AHI1: variants seen among roughly 807,000 people sequenced by gnomAD.
AHI1 encodes the protein Abelson helper integration site 1, also known as jouberin.
AHI1 carries 123 observed loss-of-function variants against 149.3 expected under a neutral mutation model. The observed-to-expected ratio is 0.82, with a 90% CI of 0.71 to 0.96. AHI1 has a LOEUF of 0.96. AHI1 is among the 40% of genes least tolerant of loss of function. The pLI, the probability that AHI1 is intolerant of heterozygous loss-of-function variation, is 0.00. For synonymous variants in AHI1, 475 were observed against 459.8 expected (o/e 1.03, Z -0.42); for missense variants, 1,439 against 1,422.7 (o/e 1.01, Z -0.18).
intron 5 of AHI1, among the ~76,000 whole-genome samples, chr6:135,482,894 C>CTTTTATTTTTTTTTTTTTTTTTTT (rs1793903247): frequency 1.8e-5 from 1 of 55,734 alleles, no homozygotes; most frequent in African/African-American, 9.3e-5. Context: ...CCATTTAAGG[C>CTTTTATTTTTTTTTTTTTTTTTTT]TTTTTTTTTT....
At chr6:135,291,492 G>T (rs958058467) in intron 27 of AHI1, among the ~76,000 whole-genome samples, 1 of 152,164 alleles carries the variant, frequency 6.6e-6, no homozygotes, top group South Asian at 2.1e-4. Flanking sequence ...GCCATGTGAG[G>T]ACACAACAAG....
intron 20 of AHI1, among the ~76,000 whole-genome samples, chr6:135,424,957 AAT>A (rs1421215966): frequency 2.0e-5 from 3 of 151,968 alleles, no homozygotes; most frequent in Non-Finnish European, 4.4e-5. Context: ...TGTATTAAAA[AAT>A]AAAACATAAG....
chr6:135,311,175 A>G (rs1441148625), intron 26 of AHI1, among the ~76,000 whole-genome samples: 3 of 151,824 alleles, frequency 2.0e-5, no homozygotes, highest in Non-Finnish European at 2.9e-5. Context: ...GGTGGCCCAC[A>G]TCTGTAGTCC....
intron 24 of AHI1, among the ~76,000 whole-genome samples, chr6:135,347,958 G>A (rs1791484220): frequency 6.6e-6 from 1 of 152,134 alleles, no homozygotes; most frequent in African/African-American, 2.4e-5. Context: ...AATAAGAAGG[G>A]TTTTTTCCCC....
In AHI1 at chr6:135,457,688, A is replaced by G; in HGVS notation, c.957T>C (p.Asp319=). 1.1e-5 allele frequency: 18 copies of G among 1,613,962 alleles called. No individual in the cohort carries two copies. Among genetic ancestry groups the G allele is most frequent in the Non-Finnish European group, 1.5e-5 (18 of 1,179,848 alleles). Reference sequence around the variant, plus strand: ...TTGTTATTTCATGAACACCATCACCATCAACATCTTCATTATTATCTGCAA... The same window carrying G: ...TTGTTATTTCATGAACACCATCACCGTCAACATCTTCATTATTATCTGCAA... ...KAVADNNEDV[D]GDGVHEITSR... The change falls in exon 9 of 29, where the codon GAT becomes GAC. Residue 319 remains aspartate, a synonymous_variant. Coordinates refer to ENST00000265602, the MANE Select transcript of AHI1 (RefSeq NM_001134831.2).
At chr6:135,431,864 G>A (rs1178967654) in intron 16 of AHI1, among the ~76,000 whole-genome samples, 1 of 152,106 alleles carries the variant, frequency 6.6e-6, no homozygotes, top group East Asian at 1.9e-4. Flanking sequence ...TGTGAATTCA[G>A]TATTTTATAA....
intron 25 of AHI1, among the ~76,000 whole-genome samples, chr6:135,321,689 T>C (rs1056806317): frequency 2.0e-5 from 3 of 152,248 alleles, no homozygotes; most frequent in African/African-American, 4.8e-5. Context: ...AACAGTTTCA[T>C]GGACTAGCCT....
chr6:135,458,564 A>G (rs2757650), intron 8 of AHI1, among the ~76,000 whole-genome samples: 134,916 of 152,144 alleles, frequency 0.89, 60,387 homozygotes, highest in East Asian at 0.97. Context: ...AATTTACACT[A>G]AGGACCAAGA....
chr6:135,405,608 C>T (rs1394456066), intron 21 of AHI1, among the ~76,000 whole-genome samples: 1 of 151,928 alleles, frequency 6.6e-6, no homozygotes, highest in African/African-American at 2.4e-5. Flanking sequence ...GCCTTGTAAT[C>T]CCAGCACTTT....
intron 4 of AHI1, 95 bp downstream of exon 4, chr6:135,492,133 T>C (rs1795337289): frequency 3.4e-6 from 3 of 872,368 alleles, no homozygotes; most frequent in Non-Finnish European, 5.2e-6. Context: ...TCTACTGTAT[T>C]CATTAATCTG....
chr6:135,466,297 T>C lies in AHI1; in HGVS notation c.266A>G (p.Asn89Ser), dbSNP rs1374914353. Residue 89 changes from asparagine to serine, a missense_variant, in exon 7 of 29, where the codon AAC (asparagine) becomes AGC (serine). By Grantham distance (46) the Asn-to-Ser change is conservative. Coordinates refer to ENST00000265602, the MANE Select transcript of AHI1 (RefSeq NM_001134831.2). ...SDDVSAANTNNLKKSTRVTKN... is the reference protein window; with the variant it reads ...SDDVSAANTNSLKKSTRVTKN... Reference sequence around the variant, plus strand: ...AGTGACTCTCGTGCTCTTCTTCAGGTTGTTAGTGTTAGCAGCACTTACATC... The same window carrying C: ...AGTGACTCTCGTGCTCTTCTTCAGGCTGTTAGTGTTAGCAGCACTTACATC... 2 of 1,613,956 alleles carry C rather than the reference T, an allele frequency of 1.2e-6. No homozygotes were observed. Among genetic ancestry groups the C allele is most frequent in the Admixed American group, 1.7e-5 (1 of 60,014 alleles).
At chr6:135,478,230 G>C (rs566315495) in intron 5 of AHI1, among the ~76,000 whole-genome samples, 1 of 152,204 alleles carries the variant, frequency 6.6e-6, no homozygotes, top group Non-Finnish European at 1.5e-5. Flanking sequence ...GCAAAAGTTG[G>C]AACAGTTTGA....
In AHI1 at chr6:135,433,084, C is replaced by T. The variant is rs1227775795; in HGVS notation, c.2209G>A (p.Val737Ile). ...CTTTTGTGAACATCAAACTGTCGGA[C>T]CAATATGGCAGAATCTTCTCTCATC... ...VEMREDSAIL[V>I]RQFDVHKSFI... The change falls in exon 16 of 29, where the codon GTC (valine) becomes ATC (isoleucine). Residue 737 changes from valine (V) to isoleucine (I), a missense_variant. Transcript: ENST00000265602. The T allele has an allele frequency of 6.2e-7, 1 of 1,613,652 alleles. No homozygotes were observed. The highest frequency in any genetic ancestry group is 8.5e-7 in the Non-Finnish European group (1 of 1,179,722).
intron 20 of AHI1, among the ~76,000 whole-genome samples, chr6:135,416,902 T>C (rs115389876): frequency 0.024 from 3,689 of 152,154 alleles, 62 homozygotes; most frequent in East Asian, 0.054. Flanking sequence ...CTAATTACTG[T>C]TTTTAAACAG....
chr6:135,369,440 G>A (rs1774704004), intron 23 of AHI1, among the ~76,000 whole-genome samples: 1 of 152,196 alleles, frequency 6.6e-6, no homozygotes, highest in Admixed American at 6.5e-5. Flanking sequence ...GCCATTTTGA[G>A]ACAGCATCAA....
At chr6:135,382,892 A>AGT (rs1180856940) in intron 23 of AHI1, among the ~76,000 whole-genome samples, 2 of 102,238 alleles carry the variant, frequency 2.0e-5, no homozygotes, top group African/African-American at 3.8e-5. Context: ...AAGCAAAATT[A>AGT]GTAAAAAAAA....
chr6:135,399,227 C>T lies in AHI1; in HGVS notation c.2989-4331G>A, dbSNP rs373496782. Reference sequence around the variant, plus strand: ...CGAATTCCTACTGGCTATTTCCCTGCAGGTTAGAAGCATAGACCCTTCTAT... The same window carrying T: ...CGAATTCCTACTGGCTATTTCCCTGTAGGTTAGAAGCATAGACCCTTCTAT... On this transcript the variant is annotated intron_variant, in intron 22 of 28. Transcript: ENST00000265602. Among the ~76,000 whole-genome samples the T allele has an allele frequency of 1.5e-3, 235 of 152,242 alleles. 1 individual carries two copies. Among genetic ancestry groups the T allele is most frequent in the African/African-American group, 5.4e-3 (226 of 41,544 alleles).
chr6:135,430,525 T>C (rs1205628802), intron 17 of AHI1, among the ~76,000 whole-genome samples: 1 of 151,864 alleles, frequency 6.6e-6, no homozygotes, highest in African/African-American at 2.4e-5. Context: ...ACTACTATCA[T>C]AATTATATTA....
At chr6:135,335,941 C>T (rs902491492) in intron 24 of AHI1, among the ~76,000 whole-genome samples, 1 of 151,476 alleles carries the variant, frequency 6.6e-6, no homozygotes, top group Non-Finnish European at 1.5e-5. Context: ...GGTGAAACCC[C>T]ATCTCTACTA....
Sources: allele counts gnomAD v4.1 joint callset (sites outside exome capture counted in the v4.1 genomes callset), GRCh38; gene constraint gnomAD v4.1.1; transcripts MANE v1.5; gene names NCBI Gene and HGNC (gene_info 2026-07-23, HGNC 2026-07-21).